The following FAM186A variants were observed in gnomAD, a reference collection of about 807,000 sequenced individuals.
FAM186A encodes family with sequence similarity 186 member A.
A neutral mutation model predicts 216.8 loss-of-function variants in FAM186A; 163 were observed. That is an observed-to-expected ratio of 0.75 (90% CI 0.66 to 0.86). The LOEUF (loss-of-function observed/expected upper bound fraction) is 0.86, where lower values mean the gene tolerates loss of function less well. Ranked by LOEUF, FAM186A falls within the 40% of genes least tolerant of loss-of-function variation. The pLI is 0.00. For synonymous variants in FAM186A, 805 were observed against 1,025.3 expected (o/e 0.79, Z 4.10); for missense variants, 2,184 against 2,746.2 (o/e 0.80, Z 4.58).
chr12:50,355,868 C>CTTG lies in FAM186A; in HGVS notation c.961_963dup (p.Gln321dup). On this transcript the variant is annotated inframe_insertion, in exon 4 of 8. Coordinates refer to ENST00000327337, the MANE Select transcript of FAM186A (RefSeq NM_001145475.3). ...AGTTGTTCACATTTTTCTTCTGCAT[C>CTTG]TTGAAGTTTCTGCTGAAGCATTTCA... 4.5e-6 allele frequency: 7 copies of CTTG among 1,551,170 alleles called. No individual in the cohort carries two copies. Among genetic ancestry groups the CTTG allele is most frequent in the Non-Finnish European group, 6.1e-6 (7 of 1,146,928 alleles).
chr12:50,340,677 T>TAA (rs550435667), intron 4 of FAM186A, among the ~76,000 whole-genome samples: 1 of 142,456 alleles, frequency 7.0e-6, no homozygotes, highest in Non-Finnish European at 1.5e-5. Flanking sequence ...CCTGTCTCTT[T>TAA]AAAAAAAAAA....
chr12:50,364,866 C>T (rs1007787875), intron 1 of FAM186A, among the ~76,000 whole-genome samples: 5 of 151,576 alleles, frequency 3.3e-5, no homozygotes, highest in Non-Finnish European at 1.5e-5. Flanking sequence ...GGTGAAACCC[C>T]GTCTTTACTA....
At position 50,350,446 on chromosome 12, in the gene FAM186A, G is replaced by A. The variant is rs1194495192; in HGVS notation, c.6386C>T (p.Pro2129Leu). The A allele has an allele frequency of 6.4e-7, 1 of 1,551,522 alleles. No individual in the cohort carries two copies. The highest frequency in any genetic ancestry group is 1.4e-5 in the African/African-American group (1 of 73,126). Residue 2129 changes from proline to leucine, a missense_variant, in exon 4 of 8, where the codon CCT (proline) becomes CTT (leucine). This residue lies in a region of FAM186A where 721 missense variants were observed against 816.4 expected (regional missense o/e 0.88). Coordinates refer to ENST00000327337, the MANE Select transcript of FAM186A (RefSeq NM_001145475.3). ...CCTAGCCATTGTGTGTAGCTGTGAAGGGAGTCCACAAGTTTTTATAGCCTG... is the reference window on the plus strand; with the variant it reads ...CCTAGCCATTGTGTGTAGCTGTGAAAGGAGTCCACAAGTTTTTATAGCCTG... ...LNQAIKTCGL[P>L]SQLHTMARTL...
In FAM186A at chr12:50,352,198, G is replaced by A. The variant is rs1271432070; in HGVS notation, c.4634C>T (p.Pro1545Leu). The A allele has an allele frequency of 3.3e-6, 5 of 1,528,136 alleles. No homozygotes were observed. The East Asian group carries it at 1.0e-4, about 31-fold the overall frequency. The allele number at this position is 1,528,136 out of a possible 1,614,324, so 94.7% of individuals were successfully genotyped here. Residue 1545 changes from proline (P) to leucine (L), a missense_variant, in exon 4 of 8, where the codon CCT becomes CTT. Physicochemically the swap from Pro to Leu is moderately conservative, Grantham distance 98. This residue lies in a region of FAM186A where 19 missense variants were observed against 22.4 expected (regional missense o/e 0.85). Coordinates refer to ENST00000327337, the MANE Select transcript of FAM186A (RefSeq NM_001145475.3). ...QAQELGIPLTPQQVQALGIPL... is the reference protein window; with the variant it reads ...QAQELGIPLTLQQVQALGIPL... ...GATCCCCAGGGCCTGGACCTGCTGA[G>A]GGGTGAGAGGGATCCCCAATTCCTG... is the stretch of plus-strand genomic sequence containing the variant.
intron 1 of FAM186A, among the ~76,000 whole-genome samples, chr12:50,385,252 T>C (rs1943291094): frequency 2.0e-5 from 3 of 150,520 alleles, no homozygotes; most frequent in Admixed American, 2.0e-4. Flanking sequence ...ACCTTGTCTC[T>C]ACTAAATATA....
chr12:50,334,175 C>T, intron 4 of FAM186A, 72 bp from the exon 5 acceptor site: 108 of 1,004,020 alleles, frequency 1.1e-4, no homozygotes, highest in Middle Eastern at 2.5e-4. Flanking sequence ...TCCTCAGTTT[C>T]TTTTTTTTTT....
intron 1 of FAM186A, among the ~76,000 whole-genome samples, chr12:50,379,076 A>C (rs931344126): frequency 5.3e-5 from 8 of 151,698 alleles, no homozygotes; most frequent in African/African-American, 1.9e-4. Flanking sequence ...AGGCCGAGGC[A>C]GGCAGATCAC....
chr12:50,362,315 G>T (rs1170127862), intron 2 of FAM186A, among the ~76,000 whole-genome samples: 2 of 152,114 alleles, frequency 1.3e-5, no homozygotes, highest in Middle Eastern at 3.2e-3. Context: ...ACTCTGACGT[G>T]TGCTATTCTA....
intron 1 of FAM186A, among the ~76,000 whole-genome samples, chr12:50,367,048 A>T (rs1379223663): frequency 6.6e-6 from 1 of 152,014 alleles, no homozygotes; most frequent in East Asian, 1.9e-4. Context: ...AAGAAACTAG[A>T]AATAGAAGAA....
chr12:50,330,700 G>A lies in FAM186A; in HGVS notation c.6907C>T (p.Pro2303Ser). 1 of 1,547,256 alleles carries A rather than the reference G, an allele frequency of 6.5e-7. No homozygotes were observed. The change falls in exon 7 of 8, where the codon CCA becomes TCA. Residue 2303 changes from proline (P) to serine (S), a missense_variant. By Grantham distance (74) the Pro-to-Ser change is moderately conservative. Coordinates refer to ENST00000327337, the MANE Select transcript of FAM186A (RefSeq NM_001145475.3). ...TGCATAGATGTCTTCTCTGCTATTG[G>A]GTAGCTTGAAGTGGACAGATCAACA... ...WNVDLSTSSY[P>S]IAEKTSMHSL...
In FAM186A at chr12:50,355,467, A is replaced by G. The variant is rs878941915; in HGVS notation, c.1365T>C (p.Tyr455=). Residue 455 remains tyrosine, a synonymous_variant, in exon 4 of 8, where the codon TAT becomes TAC. Transcript: ENST00000327337. ...DFYQEDETDE[Y]QSWKRSHKKA... is the part of the protein sequence containing the mutation. Reference sequence around the variant, plus strand: ...TTTTGTGGCTTCTTTTCCATGATTGATACTCATCAGTCTCATCTTCCTGAT... The same window carrying G: ...TTTTGTGGCTTCTTTTCCATGATTGGTACTCATCAGTCTCATCTTCCTGAT... 1.9e-6 allele frequency: 3 copies of G among 1,551,142 alleles called. No individual in the cohort carries two copies. The highest frequency in any genetic ancestry group is 1.4e-5 in the African/African-American group (1 of 73,002).
At chr12:50,374,563 T>C (rs1208169011) in intron 1 of FAM186A, among the ~76,000 whole-genome samples, 1 of 152,190 alleles carries the variant, frequency 6.6e-6, no homozygotes, top group Non-Finnish European at 1.5e-5. Context: ...CCTCGGTATA[T>C]ACAGAAAAAG....
At chr12:50,368,184 T>C (rs1943109052) in intron 1 of FAM186A, among the ~76,000 whole-genome samples, 1 of 148,346 alleles carries the variant, frequency 6.7e-6, no homozygotes, top group African/African-American at 2.5e-5. Context: ...GGTGGATCAC[T>C]TGAGGTCAGG....
chr12:50,351,271 G>T lies in FAM186A; in HGVS notation c.5561C>A (p.Ala1854Asp), dbSNP rs780908996. 57 of 1,549,732 alleles carry T rather than the reference G, an allele frequency of 3.7e-5. No homozygotes were observed. The highest frequency in any genetic ancestry group is 4.6e-5 in the Non-Finnish European group (53 of 1,146,394). ...TAAGGGCTGCCCAGGAGAAAGAGGA[G>T]CCCAGAGACTTGGAATCTGTCCAGA... ...PTSGQIPSLW[A>D]PLSPGQPLVP... Residue 1854 changes from alanine to aspartate, a missense_variant, in exon 4 of 8, where the codon GCT becomes GAT. Around this residue, in one of 7 missense-constraint regions of FAM186A, gnomAD observed 721 missense variants for 816.4 expected, o/e 0.88. Transcript: ENST00000327337.
At chr12:50,367,689 GCACACA>G (rs35526902) in intron 1 of FAM186A, among the ~76,000 whole-genome samples, 96,642 of 151,258 alleles carry the variant, frequency 0.64, 31,425 homozygotes, top group East Asian at 0.74. Context: ...GCATGTGCGT[GCACACA>G]CACACACACA....
intron 1 of FAM186A, among the ~76,000 whole-genome samples, chr12:50,376,742 CTCTCT>C (rs1286534192): frequency 3.1e-4 from 15 of 48,276 alleles, no homozygotes; most frequent in East Asian, 1.7e-3. Flanking sequence ...CTCTCTCTCT[CTCTCT>C]TTTTTTTTTT....
intron 1 of FAM186A, among the ~76,000 whole-genome samples, chr12:50,384,807 A>G (rs931448651): frequency 1.6e-4 from 24 of 152,012 alleles, no homozygotes; most frequent in African/African-American, 5.6e-4. Flanking sequence ...AATGGATTAG[A>G]GTTTTTGTTT....
Position 50,352,431 on chromosome 12 carries a change from C to T in FAM186A, c.4401G>A (p.Leu1467=). 1 of 1,516,882 alleles carries T rather than the reference C, an allele frequency of 6.6e-7. No homozygotes were observed. Among genetic ancestry groups the T allele is most frequent in the African/African-American group, 1.4e-5 (1 of 70,728 alleles). 94.0% of individuals were successfully genotyped at this position (1,516,882 alleles called of 1,614,324 possible). A position where few individuals can be genotyped will look rare whatever the true frequency, so the allele number is the denominator to read the frequency against. The stretch of plus-strand genomic sequence containing the variant: ...CCTGCTGAGGGGTGAGAGGGATCCC[C>T]AATTCCTGAGCCTGCTGAGGGGTGA... ...ITLTPQQAQE[L]GIPLTPQQAQ... The change falls in exon 4 of 8, where the codon TTG becomes TTA. Residue 1467 remains leucine (L), a synonymous_variant. Coordinates refer to ENST00000327337, the MANE Select transcript of FAM186A (RefSeq NM_001145475.3).
At chr12:50,388,259 G>A (rs1018176830) in intron 1 of FAM186A, among the ~76,000 whole-genome samples, 1 of 152,192 alleles carries the variant, frequency 6.6e-6, no homozygotes, top group Non-Finnish European at 1.5e-5. Context: ...TCACTTTGGA[G>A]ATTCCAAAGA....
Sources: gnomAD v4.1 joint callset for allele counts (sites outside exome capture counted in the v4.1 genomes callset) on GRCh38, gnomAD v4.1.1 for gene constraint, gnomAD v4.1.1 regional missense constraint, MANE v1.5 for transcripts, NCBI Gene and HGNC (gene_info 2026-07-23, HGNC 2026-07-21) for gene names.